The following TTC28 variants were observed in gnomAD, a reference collection of about 807,000 sequenced individuals.
TTC28 encodes tetratricopeptide repeat protein 28.
A neutral mutation model predicts 198.0 loss-of-function variants in TTC28; 61 were observed. The ratio of observed to expected loss-of-function variants is 0.31; its 90% CI spans 0.25 to 0.38. TTC28 has a LOEUF of 0.38. Ranked by LOEUF, TTC28 falls within the 10% of genes least tolerant of loss-of-function variation. TTC28 has a pLI of 1.00. For synonymous variants in TTC28, 1,171 were observed against 1,297.8 expected, an observed-to-expected ratio of 0.90 and a Z score of 2.10; for missense variants, 2,678 against 3,164.0, an observed-to-expected ratio of 0.85 and a Z score of 3.69.
At chr22:28,255,978 C>T (rs897837122) in intron 5 of TTC28, among the ~76,000 whole-genome samples, 41 of 152,020 alleles carry the variant, frequency 2.7e-4, no homozygotes, top group Non-Finnish European at 8.8e-5. Context: ...AATATGACTA[C>T]ATATATTTTT....
chr22:28,417,177 C>T (rs1432846171), intron 2 of TTC28, among the ~76,000 whole-genome samples: 1 of 151,666 alleles, frequency 6.6e-6, no homozygotes, highest in Non-Finnish European at 1.5e-5. Flanking sequence ...TGGCTTGAGC[C>T]TAGGGGTTTG....
In TTC28 at chr22:28,545,011, CT is replaced by C. The variant is rs559400884; in HGVS notation, c.381+84540del. Among the ~76,000 whole-genome samples the C allele has an allele frequency of 9.0e-3, 1,368 of 152,228 alleles. 8 individuals carry two copies. Among genetic ancestry groups the C allele is most frequent in the Non-Finnish European group, 0.015 (1,033 of 68,012 alleles). ...CTATGGAGTAGCCATCCTTTTATTC[CT>C]TTACTTTCTTAATAAATTTGCTTTC... On this transcript the variant is annotated intron_variant, in intron 2 of 22. Transcript: ENST00000397906.
chr22:28,623,144 G>C (rs1372841017), intron 2 of TTC28, among the ~76,000 whole-genome samples: 1 of 151,794 alleles, frequency 6.6e-6, no homozygotes, highest in South Asian at 2.1e-4. Flanking sequence ...TTTTTTAAGA[G>C]ACATGATCTC....
chr22:28,250,703 C>T (rs972182874), intron 5 of TTC28, among the ~76,000 whole-genome samples: 1 of 152,196 alleles, frequency 6.6e-6, no homozygotes, highest in African/African-American at 2.4e-5. Flanking sequence ...AAAGTCTGTA[C>T]ATATTTAGTA....
intron 2 of TTC28, among the ~76,000 whole-genome samples, chr22:28,408,267 C>T (rs1490486536): frequency 2.0e-5 from 3 of 152,110 alleles, no homozygotes; most frequent in Admixed American, 6.5e-5. Context: ...TCGGGAAGAA[C>T]ACGGAGATTG....
chr22:28,162,677 C>T (rs867251524), intron 6 of TTC28, among the ~76,000 whole-genome samples: 11 of 152,164 alleles, frequency 7.2e-5, no homozygotes, highest in African/African-American at 9.7e-5. Context: ...AGGCCAGGTA[C>T]GGTGGCTTAT....
intron 2 of TTC28, among the ~76,000 whole-genome samples, chr22:28,554,878 G>GA (rs201892745): frequency 8.7e-5 from 13 of 149,334 alleles, no homozygotes; most frequent in South Asian, 2.1e-4. Context: ...CTTTTAAAAG[G>GA]AAAAAAAAAG....
intron 5 of TTC28, among the ~76,000 whole-genome samples, chr22:28,288,463 T>C (rs1036790817): frequency 2.6e-5 from 4 of 152,150 alleles, no homozygotes; most frequent in African/African-American, 9.7e-5. Flanking sequence ...AGCAGCATTT[T>C]TATAACAGCC....
At chr22:28,431,592 T>A (rs1421954734) in intron 2 of TTC28, among the ~76,000 whole-genome samples, 2 of 152,242 alleles carry the variant, frequency 1.3e-5, no homozygotes, top group Non-Finnish European at 2.9e-5. Flanking sequence ...TCTCTTACAG[T>A]TAGAATTTTT....
At chr22:28,125,873 G>C (rs2146951177) in intron 6 of TTC28, among the ~76,000 whole-genome samples, 1 of 152,162 alleles carries the variant, frequency 6.6e-6, no homozygotes, top group East Asian at 1.9e-4. Context: ...AGAGACAAAA[G>C]AATGAGTTTT....
At chr22:28,302,710 T>C (rs2045052194) in intron 3 of TTC28, among the ~76,000 whole-genome samples, 1 of 152,158 alleles carries the variant, frequency 6.6e-6, no homozygotes, top group Non-Finnish European at 1.5e-5. Context: ...TCACTCTGTC[T>C]GTCACCCGGG....
chr22:28,256,243 G>A (rs764605641), intron 5 of TTC28, among the ~76,000 whole-genome samples: 15 of 151,844 alleles, frequency 9.9e-5, no homozygotes, highest in East Asian at 3.9e-4. Context: ...ACAACAAAGC[G>A]AAACCCCGTC....
At chr22:28,442,006 C>A (rs1223712024) in intron 2 of TTC28, among the ~76,000 whole-genome samples, 1 of 151,986 alleles carries the variant, frequency 6.6e-6, no homozygotes, top group Non-Finnish European at 1.5e-5. Flanking sequence ...CGGCCAACAA[C>A]TTGAAGAAAG....
At chr22:28,353,436 T>C (rs909222962) in intron 2 of TTC28, among the ~76,000 whole-genome samples, 3 of 152,198 alleles carry the variant, frequency 2.0e-5, no homozygotes, top group Non-Finnish European at 2.9e-5. Context: ...CACTTTCTGC[T>C]TTCAAAACTT....
At chr22:28,282,819 G>A (rs955181743) in intron 5 of TTC28, among the ~76,000 whole-genome samples, 15 of 152,148 alleles carry the variant, frequency 9.9e-5, no homozygotes, top group African/African-American at 3.4e-4. Flanking sequence ...ATGGAGTGAT[G>A]ATAAAGTAGA....
chr22:27,993,897 C>G (rs1480205040), intron 17 of TTC28, among the ~76,000 whole-genome samples: 1 of 152,192 alleles, frequency 6.6e-6, no homozygotes, highest in East Asian at 1.9e-4. Context: ...CCTTCAGGAA[C>G]CCCCTCACTG....
At chr22:28,228,980 C>A (rs1261210754) in intron 5 of TTC28, among the ~76,000 whole-genome samples, 1 of 151,926 alleles carries the variant, frequency 6.6e-6, no homozygotes, top group Non-Finnish European at 1.5e-5. Context: ...CACAGTGAAA[C>A]CCCATCTCTA....
chr22:27,993,735 G>A (rs901721263), intron 17 of TTC28, among the ~76,000 whole-genome samples: 5 of 152,130 alleles, frequency 3.3e-5, no homozygotes, highest in Admixed American at 6.5e-5. Context: ...CAGAGCCCTC[G>A]AGGGCTGGTA....
chr22:28,434,268 T>C (rs2047481969), intron 2 of TTC28, among the ~76,000 whole-genome samples: 2 of 152,224 alleles, frequency 1.3e-5, no homozygotes, highest in South Asian at 4.1e-4. Context: ...GTTAGAGCAG[T>C]AGAATAATTC....
Sources: gnomAD v4.1 joint callset for allele counts (sites outside exome capture counted in the v4.1 genomes callset) on GRCh38, gnomAD v4.1.1 for gene constraint, MANE v1.5 for transcripts, NCBI Gene and HGNC (gene_info 2026-07-23, HGNC 2026-07-21) for gene names.